Variants in ATP8A1 observed in about 807,000 individuals in gnomAD.
The protein encoded by ATP8A1 is ATPase phospholipid transporting 8A1, also known as phospholipid-transporting ATPase IA.
ATP8A1 carries 90 observed loss-of-function variants against 177.7 expected under a neutral mutation model. The ratio of observed to expected loss-of-function variants is 0.51; its 90% CI spans 0.43 to 0.60. The LOEUF is 0.60. Among genes scored for constraint, ATP8A1 ranks in the 20% least tolerant of loss-of-function variants. The pLI is 0.00. For synonymous variants in ATP8A1, 493 were observed against 485.9 expected (o/e 1.01, Z -0.19); for missense variants, 1,072 against 1,392.8 (o/e 0.77, Z 3.67).
chr4:42,524,826 G>A lies in ATP8A1; in HGVS notation c.1744C>T (p.Leu582=). ...KGADTVIYDR[L]AETSKYKEIT... ...TCTTTGTATTTTGACGTCTCTGCCA[G>A]TCGATCATAAATTACAGTGTCCTGG... Residue 582 remains leucine, a synonymous_variant, in exon 21 of 37, where the codon CTG becomes TTG. Transcript: ENST00000381668. The A allele has an allele frequency of 1.9e-6, 3 of 1,608,990 alleles. No homozygotes were observed. Among genetic ancestry groups the A allele is most frequent in the Non-Finnish European group, 2.5e-6 (3 of 1,177,726 alleles).
chr4:42,534,569 A>G (rs1234762023), intron 20 of ATP8A1, among the ~76,000 whole-genome samples: 2 of 152,216 alleles, frequency 1.3e-5, no homozygotes, highest in East Asian at 1.9e-4. Flanking sequence ...AGAAATCTAA[A>G]AGTTTGGAAA....
chr4:42,572,020 C>T (rs189593700), intron 14 of ATP8A1, among the ~76,000 whole-genome samples: 13 of 152,276 alleles, frequency 8.5e-5, no homozygotes, highest in Admixed American at 8.5e-4. Context: ...TGATAAGACA[C>T]AACAGAACTC....
intron 1 of ATP8A1, among the ~76,000 whole-genome samples, chr4:42,633,146 C>A (rs1738921379): frequency 1.3e-5 from 2 of 152,198 alleles, no homozygotes. Flanking sequence ...ATTTGAAAAG[C>A]TAAGCAGTGA....
chr4:42,477,139 G>T (rs926128688), intron 25 of ATP8A1, among the ~76,000 whole-genome samples: 4 of 152,068 alleles, frequency 2.6e-5, no homozygotes, highest in African/African-American at 9.7e-5. Flanking sequence ...ACTTATTAAG[G>T]TTACTGGCAC....
chr4:42,557,912 A>G (rs1730409135), intron 15 of ATP8A1, among the ~76,000 whole-genome samples: 1 of 152,138 alleles, frequency 6.6e-6, no homozygotes, highest in Admixed American at 6.5e-5. Context: ...GTGTGGTCCC[A>G]GCTACTCGGG....
At chr4:42,531,163 G>A (rs917493054) in intron 20 of ATP8A1, among the ~76,000 whole-genome samples, 12 of 152,224 alleles carry the variant, frequency 7.9e-5, no homozygotes, top group African/African-American at 1.7e-4. Context: ...GGAATACAGC[G>A]AATCCATTAG....
chr4:42,551,974 C>T (rs1336459961), intron 17 of ATP8A1, among the ~76,000 whole-genome samples: 1 of 152,072 alleles, frequency 6.6e-6, no homozygotes, highest in Non-Finnish European at 1.5e-5. Context: ...TAAAATTAAG[C>T]CTAAGTACTT....
intron 6 of ATP8A1, among the ~76,000 whole-genome samples, chr4:42,591,348 C>T (rs1160605712): frequency 1.3e-5 from 2 of 151,164 alleles, no homozygotes; most frequent in Non-Finnish European, 2.9e-5. Flanking sequence ...AGTCCCTGCC[C>T]CACTTAAAAA....
chr4:42,653,323 A>G (rs1361989274), intron 1 of ATP8A1, among the ~76,000 whole-genome samples: 1 of 88,850 alleles, frequency 1.1e-5, no homozygotes, highest in Non-Finnish European at 2.2e-5. Context: ...TTCTATAATT[A>G]GCATATTTTG....
At chr4:42,569,394 A>G (rs1472489852) in intron 14 of ATP8A1, among the ~76,000 whole-genome samples, 189 bp from the exon 15 acceptor site, 1 of 152,236 alleles carries the variant, frequency 6.6e-6, no homozygotes, top group African/African-American at 2.4e-5. Flanking sequence ...ATGGTAGCTC[A>G]GCAGGTTTAC....
At position 42,589,082 on chromosome 4, in the gene ATP8A1, C is replaced by T. The variant is rs77054058; in HGVS notation, c.525-753G>A. ...TGTCTTAGTAAAATCTGGTGTGTGG[C>T]GGCTGGCCTAAGGGGTCCATGTTCT... On this transcript the variant is annotated intron_variant, in intron 7 of 36. Coordinates refer to ENST00000381668, the MANE Select transcript of ATP8A1 (RefSeq NM_006095.2). 8.9e-3 allele frequency among the ~76,000 whole-genome samples: 1,349 copies of T among 152,198 alleles called. 21 individuals are homozygous for T. Among genetic ancestry groups the T allele is most frequent in the African/African-American group, 0.031 (1,267 of 41,526 alleles).
intron 1 of ATP8A1, among the ~76,000 whole-genome samples, chr4:42,648,122 T>C (rs1026767282): frequency 1.3e-5 from 2 of 152,222 alleles, no homozygotes; most frequent in Non-Finnish European, 2.9e-5. Context: ...CCAATTCTCT[T>C]AATATAAATT....
intron 17 of ATP8A1, among the ~76,000 whole-genome samples, chr4:42,552,271 G>A (rs1019437719): frequency 2.0e-5 from 3 of 152,086 alleles, no homozygotes; most frequent in Admixed American, 6.5e-5. Flanking sequence ...TGAGAATTAC[G>A]TTATTCACAT....
intron 5 of ATP8A1, among the ~76,000 whole-genome samples, chr4:42,607,699 G>A (rs1735937756): frequency 6.6e-6 from 1 of 151,420 alleles, no homozygotes; most frequent in Non-Finnish European, 1.5e-5. Flanking sequence ...ACACAGCCAA[G>A]GCCAATGTAA....
At chr4:42,557,113 G>C (rs1334642572) in intron 15 of ATP8A1, among the ~76,000 whole-genome samples, 1 of 152,144 alleles carries the variant, frequency 6.6e-6, no homozygotes, top group African/African-American at 2.4e-5. Context: ...AAGTTAGAAT[G>C]TTTATAATGG....
chr4:42,459,885 G>A (rs192383307), intron 27 of ATP8A1, among the ~76,000 whole-genome samples: 6,361 of 152,064 alleles, frequency 0.042, 171 homozygotes, highest in South Asian at 0.06. Context: ...TCCACCTCCC[G>A]GGTTCACGCC....
At chr4:42,604,349 C>T (rs1735584378) in intron 5 of ATP8A1, among the ~76,000 whole-genome samples, 1 of 152,178 alleles carries the variant, frequency 6.6e-6, no homozygotes, top group South Asian at 2.1e-4. Flanking sequence ...TCTCTTCCCC[C>T]AGATTATAAG....
At chr4:42,471,540 A>G (rs982544877) in intron 25 of ATP8A1, among the ~76,000 whole-genome samples, 2 of 152,232 alleles carry the variant, frequency 1.3e-5, no homozygotes, top group Admixed American at 1.3e-4. Context: ...GTTTCTATTG[A>G]TGGTGTGTAT....
intron 20 of ATP8A1, among the ~76,000 whole-genome samples, chr4:42,525,782 T>C (rs770957837): frequency 1.9e-4 from 29 of 152,208 alleles, no homozygotes; most frequent in Non-Finnish European, 4.0e-4. Context: ...TTTTGGGGTC[T>C]CCAGTCTCAG....
Sources: allele counts gnomAD v4.1 joint callset (sites outside exome capture counted in the v4.1 genomes callset), GRCh38; gene constraint gnomAD v4.1.1; transcripts MANE v1.5; gene names NCBI Gene and HGNC (gene_info 2026-07-23, HGNC 2026-07-21).